The following SELENOI variants were observed in gnomAD, a reference collection of about 807,000 sequenced individuals.
SELENOI encodes the protein selenoprotein I.
Under a neutral mutation model 50.7 loss-of-function variants are expected in SELENOI, and 24 were observed. The ratio of observed to expected loss-of-function variants is 0.47; its 90% CI spans 0.34 to 0.67. The LOEUF (loss-of-function observed/expected upper bound fraction) is 0.67, where lower values mean the gene tolerates loss of function less well. Ranked by LOEUF, SELENOI falls within the 30% of genes least tolerant of loss-of-function variation. The pLI, the probability that SELENOI is intolerant of heterozygous loss-of-function variation, is 0.01. For missense variants in SELENOI, 352 were observed against 461.4 expected, an observed-to-expected ratio of 0.76 and a Z score of 2.17; for synonymous variants, 155 against 170.2, an observed-to-expected ratio of 0.91 and a Z score of 0.70.
chr2:26,351,285 G>A (rs1336218566), intron 1 of SELENOI, among the ~76,000 whole-genome samples: 1 of 151,960 alleles, frequency 6.6e-6, no homozygotes, highest in African/African-American at 2.4e-5. Flanking sequence ...CTTGAACTTC[G>A]GACCTCAGGT....
intron 4 of SELENOI, among the ~76,000 whole-genome samples, chr2:26,372,000 C>T (rs1677465877): frequency 6.6e-6 from 1 of 152,206 alleles, no homozygotes; most frequent in Non-Finnish European, 1.5e-5. Context: ...ACTCAGATTT[C>T]ACTTGCCTGA....
chr2:26,357,590 C>T (rs1014128391), intron 1 of SELENOI, among the ~76,000 whole-genome samples: 1 of 152,252 alleles, frequency 6.6e-6, no homozygotes, highest in African/African-American at 2.4e-5. Context: ...GCCTCTATTT[C>T]AGCTTCCAGT....
At chr2:26,347,042 C>G (rs549612921) in intron 1 of SELENOI, 2 of 152,290 alleles carry the variant, frequency 1.3e-5, no homozygotes, top group African/African-American at 4.8e-5. Context: ...TAAATAAATG[C>G]GGGTGGTTAA....
At chr2:26,370,934 C>A (rs1202917502) in intron 4 of SELENOI, among the ~76,000 whole-genome samples, 6 of 75,574 alleles carry the variant, frequency 7.9e-5, no homozygotes, top group African/African-American at 2.0e-4. Flanking sequence ...GGGGGCTGAC[C>A]CCCCCACCTC....
At chr2:26,370,699 C>T (rs868481533) in intron 4 of SELENOI, among the ~76,000 whole-genome samples, 2,366 of 131,532 alleles carry the variant, frequency 0.018, 78 homozygotes, top group African/African-American at 0.061. Context: ...CGGGCAGAGG[C>T]GCCCCTCACC....
At chr2:26,371,305 C>T (rs1297273010) in intron 4 of SELENOI, among the ~76,000 whole-genome samples, 3 of 150,446 alleles carry the variant, frequency 2.0e-5, no homozygotes, top group African/African-American at 7.4e-5. Flanking sequence ...GACGGGGTGG[C>T]GGCCGGGCAG....
At chr2:26,378,133 G>C (rs1207411622) in intron 6 of SELENOI, among the ~76,000 whole-genome samples, 1 of 151,810 alleles carries the variant, frequency 6.6e-6, no homozygotes, top group Non-Finnish European at 1.5e-5. Flanking sequence ...CCAAAGATTT[G>C]GGCAAAGTCG....
rs559564059 is a variant in SELENOI at position 26,377,129 on chromosome 2, C to T, written c.682+1981C>T. Among the ~76,000 whole-genome samples, 10 of 152,294 alleles carry T rather than the reference C, an allele frequency of 6.6e-5. No individual in the cohort carries two copies. In the South Asian group the frequency reaches 2.1e-3, roughly 32 times the overall value. ...TTTTTCTTCCCCTCTCTCTTCTTTTCTGGGACCCCACTTACATGTGTGTTA... is the reference window on the plus strand; with the variant it reads ...TTTTTCTTCCCCTCTCTCTTCTTTTTTGGGACCCCACTTACATGTGTGTTA... On this transcript the variant is annotated intron_variant, in intron 6 of 9. Transcript: ENST00000260585.
chr2:26,365,693 T>A (rs1216205599), intron 3 of SELENOI, among the ~76,000 whole-genome samples: 1 of 152,216 alleles, frequency 6.6e-6, no homozygotes, highest in African/African-American at 2.4e-5. Context: ...ATAATTCATC[T>A]GTGTATGAGT....
chr2:26,361,997 C>T (rs1677188894), intron 1 of SELENOI, among the ~76,000 whole-genome samples: 2 of 152,092 alleles, frequency 1.3e-5, no homozygotes, highest in African/African-American at 2.4e-5. Flanking sequence ...GATCTTTTGT[C>T]CAATTTATTT....
At chr2:26,363,136 A>G (rs936996069) in intron 1 of SELENOI, among the ~76,000 whole-genome samples, 10 of 152,348 alleles carry the variant, frequency 6.6e-5, no homozygotes, top group South Asian at 6.2e-4. Flanking sequence ...GTATCCTGCT[A>G]TACAGGGATC....
intron 6 of SELENOI, among the ~76,000 whole-genome samples, chr2:26,381,198 CTTTTT>C (rs57102834): frequency 0.035 from 1,062 of 30,172 alleles, 7 homozygotes; most frequent in South Asian, 0.13. Context: ...TCAGTTTGGT[CTTTTT>C]TTTTTTTTTT....
intron 1 of SELENOI, among the ~76,000 whole-genome samples, chr2:26,348,999 T>A (rs1676889146): frequency 7.2e-4 from 3 of 4,188 alleles, no homozygotes; most frequent in African/African-American, 1.8e-3. Flanking sequence ...GGACAGGCTT[T>A]TTTTTTTTTT....
intron 1 of SELENOI, among the ~76,000 whole-genome samples, chr2:26,360,185 G>A (rs1230360240): frequency 2.6e-5 from 4 of 152,206 alleles, no homozygotes; most frequent in African/African-American, 9.6e-5. Context: ...GAACATGGAA[G>A]GTTCAAGTCA....
intron 8 of SELENOI, among the ~76,000 whole-genome samples, chr2:26,385,599 A>G (rs1677822241): frequency 6.6e-6 from 1 of 152,258 alleles, no homozygotes; most frequent in South Asian, 2.1e-4. Context: ...AATAGAACAT[A>G]TTCTTATAAA....
intron 1 of SELENOI, among the ~76,000 whole-genome samples, chr2:26,353,727 AGTG>A (rs1488057511): frequency 1.3e-5 from 2 of 152,222 alleles, no homozygotes; most frequent in African/African-American, 4.8e-5. Context: ...GGAGAGATTT[AGTG>A]GTAAGAAGAT....
In SELENOI at chr2:26,352,611, C is replaced by G. The variant is rs191987439; in HGVS notation, c.57+6322C>G. 1.9e-3 allele frequency among the ~76,000 whole-genome samples: 285 copies of G among 152,222 alleles called. 1 individual carries two copies. Among genetic ancestry groups the G allele is most frequent in the Admixed American group, 3.6e-3 (55 of 15,288 alleles). ...CCACCCTGGCCAAGATGGTGAAACCCTGTCTCTACTAAAAATACAAAAATT... is the reference window on the plus strand; with the variant it reads ...CCACCCTGGCCAAGATGGTGAAACCGTGTCTCTACTAAAAATACAAAAATT... On this transcript the variant is annotated intron_variant, in intron 1 of 9. Coordinates refer to ENST00000260585, the MANE Select transcript of SELENOI (RefSeq NM_033505.4).
chr2:26,382,781 A>G (rs1424664594), intron 6 of SELENOI, among the ~76,000 whole-genome samples: 1 of 151,990 alleles, frequency 6.6e-6, no homozygotes, highest in Non-Finnish European at 1.5e-5. Flanking sequence ...TGCTTGACCC[A>G]GTAGTTCGTG....
rs916027480 is a variant in SELENOI at position 26,394,683 on chromosome 2, G to A, written c.*5580G>A. On this transcript the variant is annotated 3_prime_UTR_variant, in exon 10 of 10. Coordinates refer to ENST00000260585, the MANE Select transcript of SELENOI (RefSeq NM_033505.4). The surrounding 1 kb of genome is among the most constrained non-coding windows in gnomAD (Gnocchi z 4.1). Reference sequence around the variant, plus strand: ...AAAGTAGCATTTTCTCTGGGTAAAGGGAAAGGCAATGAATGATTGCCAACA... The same window carrying A: ...AAAGTAGCATTTTCTCTGGGTAAAGAGAAAGGCAATGAATGATTGCCAACA... The A allele has an allele frequency of 1.3e-5, 2 of 151,920 alleles. No individual in the cohort carries two copies. Among genetic ancestry groups the A allele is most frequent in the Admixed American group, 1.3e-4 (2 of 15,250 alleles). The allele number at this position is 151,920 out of a possible 1,614,324, so 9.4% of individuals were successfully genotyped here. A position where few individuals can be genotyped will look rare whatever the true frequency, so the allele number is the denominator to read the frequency against.
Sources: gnomAD v4.1 joint callset for allele counts (sites outside exome capture counted in the v4.1 genomes callset) on GRCh38, gnomAD v4.1.1 for gene constraint, Gnocchi (gnomAD v3.1) non-coding constraint, MANE v1.5 for transcripts, NCBI Gene and HGNC (gene_info 2026-07-23, HGNC 2026-07-21) for gene names.